The following EFCAB6 variants were observed in gnomAD, a reference collection of about 807,000 sequenced individuals.
The protein encoded by EFCAB6 is EF-hand calcium-binding domain-containing protein 6.
Under a neutral mutation model 169.8 loss-of-function variants are expected in EFCAB6, and 156 were observed. The observed-to-expected ratio is 0.92, with a 90% CI of 0.81 to 1.05. The LOEUF is 1.05. Among genes scored for constraint, EFCAB6 ranks in the 50% least tolerant of loss-of-function variants. The probability of loss-of-function intolerance (pLI) is 0.00; values close to 1 mark genes in which losing one functional copy is unlikely to be tolerated. For missense variants in EFCAB6, 1,800 were observed against 1,829.1 expected (o/e 0.98, Z 0.29); for synonymous variants, 698 against 676.4 (o/e 1.03, Z -0.50).
intron 29 of EFCAB6, chr22:43,536,094 G>T (rs935342349): frequency 9.9e-5 from 15 of 152,062 alleles, no homozygotes; most frequent in African/African-American, 3.6e-4. Flanking sequence ...ACTGAGTGGG[G>T]ACTTAAATGA....
chr22:43,732,465 CT>C (rs5845617), intron 7 of EFCAB6, among the ~76,000 whole-genome samples: 98 of 119,228 alleles, frequency 8.2e-4, no homozygotes, highest in Non-Finnish European at 8.8e-4. Flanking sequence ...TACTGAAATA[CT>C]TTTTTTTTTT....
intron 17 of EFCAB6, among the ~76,000 whole-genome samples, chr22:43,666,713 T>TTTTTTC (rs1399389146): frequency 2.7e-5 from 4 of 149,294 alleles, no homozygotes; most frequent in African/African-American, 9.9e-5. Context: ...TTTTTTTTTT[T>TTTTTTC]TTCATTCTAG....
At position 43,604,222 on chromosome 22, in the gene EFCAB6, G is replaced by A. The variant is rs529944643; in HGVS notation, c.2682-3959C>T. On this transcript the variant is annotated intron_variant, in intron 22 of 31. Coordinates refer to ENST00000262726, the MANE Select transcript of EFCAB6 (RefSeq NM_022785.4). Reference sequence around the variant, plus strand: ...CTCAGGTATTTCTTTATAGCAGCACGAGAATAGACTAATATAGTGTCCAAT... The same window carrying A: ...CTCAGGTATTTCTTTATAGCAGCACAAGAATAGACTAATATAGTGTCCAAT... Among the ~76,000 whole-genome samples, 12 of 152,230 alleles carry A rather than the reference G, an allele frequency of 7.9e-5. No individual in the cohort carries two copies. In the South Asian group the frequency reaches 1.7e-3, roughly 21 times the overall value.
At chr22:43,570,337 C>G (rs1342517818) in intron 26 of EFCAB6, among the ~76,000 whole-genome samples, 1 of 152,086 alleles carries the variant, frequency 6.6e-6, no homozygotes, top group African/African-American at 2.4e-5. Flanking sequence ...TGGGTTTCTA[C>G]TATGTCTTTT....
In EFCAB6 at chr22:43,735,963, C is replaced by T; in HGVS notation, c.538G>A (p.Ala180Thr). The T allele has an allele frequency of 6.2e-7, 1 of 1,613,656 alleles. No individual in the cohort carries two copies. Among genetic ancestry groups the T allele is most frequent in the Non-Finnish European group, 8.5e-7 (1 of 1,179,912 alleles). ...VFKNIKTVMK[A>T]FELIDVNKTG... ...TTGTTAACATCAATGAGCTCAAAGG[C>T]TTTCATAACAGTCTTAATGTTTTTG... The change falls in exon 7 of 32, where the codon GCC (alanine) becomes ACC (threonine). Residue 180 changes from alanine (A) to threonine (T), a missense_variant. Physicochemically the swap from Ala to Thr is moderately conservative, Grantham distance 58. Transcript: ENST00000262726.
At chr22:43,762,477 T>A (rs2061197123) in intron 5 of EFCAB6, among the ~76,000 whole-genome samples, 1 of 152,208 alleles carries the variant, frequency 6.6e-6, no homozygotes, top group Non-Finnish European at 1.5e-5. Context: ...CCTCTGAAGA[T>A]TCCAGCTCAG....
chr22:43,799,571 A>T (rs1045186310), intron 2 of EFCAB6, among the ~76,000 whole-genome samples: 5 of 152,218 alleles, frequency 3.3e-5, no homozygotes, highest in African/African-American at 1.2e-4. Context: ...AGATGTTGGA[A>T]GTACACAGGA....
intron 3 of EFCAB6, among the ~76,000 whole-genome samples, chr22:43,776,726 G>A (rs1191847267): frequency 1.3e-5 from 2 of 152,198 alleles, no homozygotes; most frequent in African/African-American, 4.8e-5. Context: ...ATAGCAGGTA[G>A]GATGGAGAAC....
Position 43,608,608 on chromosome 22 carries a change from A to G in EFCAB6, c.2563-8T>C, listed in dbSNP as rs1325018441. 4 of 1,612,492 alleles carry G rather than the reference A, an allele frequency of 2.5e-6. No individual in the cohort carries two copies. The highest frequency in any genetic ancestry group is 1.7e-5 in the Admixed American group (1 of 60,024). ...ATCGGTTTCTAGAAAATTCTACAAC[A>G]TCAGAATACGGTATTTAGGAACATG... On this transcript the variant is annotated splice_region_variant and splice_polypyrimidine_tract_variant and intron_variant, in intron 21 of 31. Transcript: ENST00000262726.
chr22:43,799,163 C>CAA (rs554230835), intron 2 of EFCAB6, among the ~76,000 whole-genome samples: 2 of 142,622 alleles, frequency 1.4e-5, no homozygotes, highest in Non-Finnish European at 1.5e-5. Flanking sequence ...CTCGTCTTTA[C>CAA]AAAAAAAAAA....
At chr22:43,666,106 G>A (rs2148194899) in intron 17 of EFCAB6, among the ~76,000 whole-genome samples, 1 of 152,216 alleles carries the variant, frequency 6.6e-6, no homozygotes, top group African/African-American at 2.4e-5. Flanking sequence ...TATGTCTTAT[G>A]TCCTATCCCT....
intron 17 of EFCAB6, among the ~76,000 whole-genome samples, chr22:43,645,727 T>C (rs1023999233): frequency 2.4e-4 from 36 of 152,214 alleles, no homozygotes; most frequent in African/African-American, 8.4e-4. Context: ...TGCCTGGAAA[T>C]GTATAAAATT....
intron 10 of EFCAB6, among the ~76,000 whole-genome samples, chr22:43,706,827 C>T (rs1305251058): frequency 6.6e-6 from 1 of 152,238 alleles, no homozygotes; most frequent in African/African-American, 2.4e-5. Context: ...GCTAACTTCC[C>T]AGCCAGCACG....
intron 12 of EFCAB6, among the ~76,000 whole-genome samples, chr22:43,678,881 A>G (rs1159249017): frequency 6.6e-6 from 1 of 152,230 alleles, no homozygotes; most frequent in Non-Finnish European, 1.5e-5. Flanking sequence ...TAAGCAATAA[A>G]GCAGTGTGCA....
intron 11 of EFCAB6, among the ~76,000 whole-genome samples, chr22:43,685,513 C>T (rs191267374): frequency 9.8e-5 from 15 of 152,298 alleles, no homozygotes; most frequent in African/African-American, 3.6e-4. Flanking sequence ...AGTGTGTGAG[C>T]ATTGTGTGTG....
intron 25 of EFCAB6, among the ~76,000 whole-genome samples, chr22:43,578,454 G>T (rs961954730): frequency 2.0e-5 from 3 of 152,078 alleles, no homozygotes; most frequent in Non-Finnish European, 4.4e-5. Context: ...CCCACAGGAT[G>T]ATTCCGACGC....
intron 17 of EFCAB6, among the ~76,000 whole-genome samples, chr22:43,644,437 A>G (rs1481187598): frequency 6.6e-6 from 1 of 152,172 alleles, no homozygotes; most frequent in Non-Finnish European, 1.5e-5. Context: ...TGACCATTAG[A>G]TCACAATTTA....
intron 6 of EFCAB6, among the ~76,000 whole-genome samples, chr22:43,738,215 CAT>C (rs2060234083): frequency 6.6e-6 from 1 of 151,012 alleles, no homozygotes; most frequent in Admixed American, 6.6e-5. Context: ...CACACACGTG[CAT>C]ATACTCACAC....
chr22:43,605,635 T>C (rs1308239421), intron 22 of EFCAB6, among the ~76,000 whole-genome samples: 1 of 151,580 alleles, frequency 6.6e-6, no homozygotes, highest in Non-Finnish European at 1.5e-5. Flanking sequence ...AGAGTGAGAC[T>C]CTGTCAAAAA....
Sources: gnomAD v4.1 joint callset for allele counts (sites outside exome capture counted in the v4.1 genomes callset) on GRCh38, gnomAD v4.1.1 for gene constraint, MANE v1.5 for transcripts, NCBI Gene and HGNC (gene_info 2026-07-23, HGNC 2026-07-21) for gene names.